PCDHGA3: variants seen among roughly 807,000 people sequenced by gnomAD.
PCDHGA3 encodes the protein protocadherin gamma-A3.
PCDHGA3 carries 40 observed loss-of-function variants against 58.5 expected under a neutral mutation model. The observed-to-expected ratio is 0.68, with a 90% CI of 0.53 to 0.89. The LOEUF is 0.89. PCDHGA3 is among the 40% of genes least tolerant of loss of function. PCDHGA3 has a pLI of 0.00. For synonymous variants in PCDHGA3, 530 were observed against 525.7 expected (o/e 1.01, Z -0.11); for missense variants, 1,223 against 1,195.9 (o/e 1.02, Z -0.33).
At chr5:141,407,497 G>GTTTTTTTTTTTTTTTT (rs1554102286) in intron 1 of PCDHGA3, among the ~76,000 whole-genome samples, 1 of 151,966 alleles carries the variant, frequency 6.6e-6, no homozygotes, top group Non-Finnish European at 1.5e-5. Flanking sequence ...CTTTATTTCT[G>GTTTTTTTTTTTTTTTT]TTTTTCTTAG....
intron 1 of PCDHGA3, among the ~76,000 whole-genome samples, chr5:141,381,193 T>C (rs1052848234): frequency 2.6e-5 from 4 of 152,260 alleles, no homozygotes; most frequent in African/African-American, 9.6e-5. Context: ...TAAGCTTTCT[T>C]AGTGTTAGTT....
intron 1 of PCDHGA3, among the ~76,000 whole-genome samples, chr5:141,469,207 G>T (rs2099193654): frequency 6.6e-6 from 1 of 151,820 alleles, no homozygotes; most frequent in African/African-American, 2.4e-5. Flanking sequence ...GCCTTTTGAA[G>T]TTGAGGCTTC....
intron 1 of PCDHGA3, among the ~76,000 whole-genome samples, chr5:141,444,006 G>T (rs1279816416): frequency 2.0e-5 from 3 of 152,012 alleles, no homozygotes; most frequent in Non-Finnish European, 4.4e-5. Flanking sequence ...TGCTACCTGG[G>T]TATTGGCTTC....
rs1416883218 is a variant in PCDHGA3, at chr5:141,428,027, G to A, written c.2425-66780G>A. On this transcript the variant is annotated intron_variant, in intron 1 of 3. Coordinates refer to ENST00000253812, the MANE Select transcript of PCDHGA3 (RefSeq NM_018916.4). ...TCGATATAGTGCCACGCGCCGCAGAGTCCGGCTACCTGGTGACCAAGGTGG... is the reference window on the plus strand; with the variant it reads ...TCGATATAGTGCCACGCGCCGCAGAATCCGGCTACCTGGTGACCAAGGTGG... 1.9e-6 allele frequency: 3 copies of A among 1,606,742 alleles called. No homozygotes were observed. The Admixed American group carries it at 5.0e-5, about 27-fold the overall frequency.
intron 1 of PCDHGA3, chr5:141,356,627 C>T (rs1399463036): frequency 6.2e-7 from 1 of 1,614,182 alleles, no homozygotes; most frequent in Non-Finnish European, 8.5e-7. Context: ...TCTATGACTG[C>T]TCAAGACCCT....
Position 141,432,485 on chromosome 5 carries a change from G to C in PCDHGA3, c.2425-62322G>C. 6.2e-7 allele frequency: 1 copy of C among 1,614,186 alleles called. No individual in the cohort carries two copies. The highest frequency in any genetic ancestry group is 8.5e-7 in the Non-Finnish European group (1 of 1,180,040). On this transcript the variant is annotated intron_variant, in intron 1 of 3. Coordinates refer to ENST00000253812, the MANE Select transcript of PCDHGA3 (RefSeq NM_018916.4). The surrounding 1 kb of genome is among the most constrained non-coding windows in gnomAD (Gnocchi z 6.0). ...CCCCACGGACGGTTCCACTGGCGTG[G>C]AGCTGGCTCCCCGCTCCGCAGAGCC...
At chr5:141,377,620 ATT>A (rs1307213511) in intron 1 of PCDHGA3, 1 of 149,664 alleles carries the variant, frequency 6.7e-6, no homozygotes, top group Non-Finnish European at 1.5e-5. Context: ...AAAAAAAAAG[ATT>A]TTGTTTTTTC....
In PCDHGA3 at chr5:141,430,592, C is replaced by G; in HGVS notation, c.2425-64215C>G. The G allele has an allele frequency of 9.2e-6, 5 of 544,570 alleles. No individual in the cohort carries two copies. In the South Asian group the frequency reaches 3.1e-4, roughly 34 times the overall value. The allele number at this position is 544,570 out of a possible 1,614,324, so 33.7% of individuals were successfully genotyped here. ...AAGCGGAGATCCTGCTCGCCTTGCACGCGCCTGAAGCACAAAGCAGATAGC... is the reference window on the plus strand; with the variant it reads ...AAGCGGAGATCCTGCTCGCCTTGCAGGCGCCTGAAGCACAAAGCAGATAGC... On this transcript the variant is annotated intron_variant, in intron 1 of 3. Coordinates refer to ENST00000253812, the MANE Select transcript of PCDHGA3 (RefSeq NM_018916.4).
chr5:141,362,997 G>A (rs1275044345), intron 1 of PCDHGA3, among the ~76,000 whole-genome samples: 1 of 152,256 alleles, frequency 6.6e-6, no homozygotes, highest in African/African-American at 2.4e-5. Context: ...GGCATGGCTT[G>A]TTAATCACAG....
chr5:141,433,228 C>G (rs2097577964), intron 1 of PCDHGA3: 7 of 1,522,184 alleles, frequency 4.6e-6, no homozygotes, highest in Non-Finnish European at 5.4e-6. Flanking sequence ...TTTAATTGCT[C>G]TGTCTCCCAA....
At position 141,490,406 on chromosome 5, in the gene PCDHGA3, T is replaced by G; in HGVS notation, c.2425-4401T>G. On this transcript the variant is annotated intron_variant, in intron 1 of 3. Transcript: ENST00000253812. This position sits in a 1 kb window ranked among gnomAD's most constrained non-coding sequence, Gnocchi z 5.4. ...AGAAATGGTGAAGTGAGCCTTGATA[T>G]CTCTCCGGACCTGCCATTTCAGATT... is the stretch of plus-strand genomic sequence containing the variant. The G allele has an allele frequency of 1.9e-6, 3 of 1,614,112 alleles. No individual in the cohort carries two copies. Among genetic ancestry groups the G allele is most frequent in the Non-Finnish European group, 2.5e-6 (3 of 1,180,020 alleles).
At chr5:141,410,513 G>C in intron 1 of PCDHGA3, 1 of 1,613,954 alleles carries the variant, frequency 6.2e-7, no homozygotes, top group Non-Finnish European at 8.5e-7. Context: ...AAAATGCAGT[G>C]TGCCCCTACA....
intron 1 of PCDHGA3, chr5:141,389,294 A>C: frequency 1.2e-6 from 2 of 1,613,964 alleles, no homozygotes; most frequent in Non-Finnish European, 8.5e-7. Flanking sequence ...CCTCTATTTC[A>C]CAAGTCAGGG....
chr5:141,393,851 A>T (rs758721118), intron 1 of PCDHGA3: 2 of 1,613,988 alleles, frequency 1.2e-6, no homozygotes, highest in Non-Finnish European at 1.7e-6. Context: ...ATAGACCAGA[A>T]GTGATCATTA....
intron 1 of PCDHGA3, among the ~76,000 whole-genome samples, chr5:141,443,722 C>G (rs2098401001): frequency 6.6e-6 from 1 of 152,012 alleles, no homozygotes; most frequent in Admixed American, 6.6e-5. Context: ...TATAAAATTC[C>G]TCATACATTT....
chr5:141,430,619 A>G lies in PCDHGA3; in HGVS notation c.2425-64188A>G, dbSNP rs192473783. ...CGCCTGAAGCACAAAGCAGATAGCT[A>G]GGAATGAACCATCCCTGGGAGTATG... On this transcript the variant is annotated intron_variant, in intron 1 of 3. Coordinates refer to ENST00000253812, the MANE Select transcript of PCDHGA3 (RefSeq NM_018916.4). 9.4e-5 allele frequency: 68 copies of G among 720,190 alleles called. 1 individual carries two copies. The African/African-American group carries it at 1.1e-3, about 12-fold the overall frequency. 44.6% of individuals were successfully genotyped at this position (720,190 alleles called of 1,614,324 possible). A position where few individuals can be genotyped will look rare whatever the true frequency, so the allele number is the denominator to read the frequency against.
chr5:141,459,503 A>T (rs1346447458), intron 1 of PCDHGA3, among the ~76,000 whole-genome samples: 1 of 152,242 alleles, frequency 6.6e-6, no homozygotes, highest in Non-Finnish European at 1.5e-5. Flanking sequence ...AGTGATGTGA[A>T]CAATCATGTA....
At chr5:141,353,315 T>C (rs1759245241) in intron 1 of PCDHGA3, among the ~76,000 whole-genome samples, 1 of 152,222 alleles carries the variant, frequency 6.6e-6, no homozygotes, top group Non-Finnish European at 1.5e-5. Flanking sequence ...GTATTTAGAG[T>C]TCTTCCCACC....
chr5:141,352,378 G>C, intron 1 of PCDHGA3: 1 of 1,614,008 alleles, frequency 6.2e-7, no homozygotes, highest in Non-Finnish European at 8.5e-7. Flanking sequence ...TGATTCTAGC[G>C]ATCGCCCTGC....
Sources: gnomAD v4.1 joint callset for allele counts (sites outside exome capture counted in the v4.1 genomes callset) on GRCh38, gnomAD v4.1.1 for gene constraint, Gnocchi (gnomAD v3.1) non-coding constraint, MANE v1.5 for transcripts, NCBI Gene and HGNC (gene_info 2026-07-23, HGNC 2026-07-21) for gene names.